The following OTULINL variants were observed in gnomAD, a reference collection of about 807,000 sequenced individuals.
OTULINL encodes the protein OTU deubiquitinase with linear linkage specificity like.
In OTULINL, 42 loss-of-function variants were observed where a neutral mutation model predicts 43.9. The ratio of observed to expected loss-of-function variants is 0.96; its 90% confidence interval spans 0.75 to 1.24. The LOEUF (loss-of-function observed/expected upper bound fraction) is 1.24, where lower values mean the gene tolerates loss of function less well. Among genes scored for constraint, OTULINL ranks in the 50% most tolerant of loss-of-function variants. OTULINL has a pLI of 0.00. For missense variants in OTULINL, 411 were observed against 426.4 expected (o/e 0.96, Z 0.32); for synonymous variants, 172 against 153.6 (o/e 1.12, Z -0.88).
At position 14,607,412 on chromosome 5, in the gene OTULINL, A is replaced by C; in HGVS notation, c.581A>C (p.Asn194Thr). Reference sequence around the variant, plus strand: ...GGTCCTGAGAAGTATACAGGCTCGAATGTGTTTGGAAAACTACGGAAATAT... The same window carrying C: ...GGTCCTGAGAAGTATACAGGCTCGACTGTGTTTGGAAAACTACGGAAATAT... ...SFGPEKYTGS[N>T]VFGKLRKYVE... Residue 194 changes from asparagine to threonine, a missense_variant, in exon 6 of 8, where the codon AAT (asparagine) becomes ACT (threonine). Transcript: ENST00000274217. The C allele has an allele frequency of 1.2e-6, 2 of 1,614,180 alleles. No individual in the cohort carries two copies. Among genetic ancestry groups the C allele is most frequent in the Middle Eastern group, 1.6e-4 (1 of 6,062 alleles).
chr5:14,591,133 G>C (rs1008961765), intron 1 of OTULINL, among the ~76,000 whole-genome samples: 5 of 152,156 alleles, frequency 3.3e-5, no homozygotes, highest in Non-Finnish European at 4.4e-5. Flanking sequence ...CAGACCACGT[G>C]CCACCAAAGC....
At chr5:14,585,391 T>C (rs901930331) in intron 1 of OTULINL, among the ~76,000 whole-genome samples, 3 of 152,232 alleles carry the variant, frequency 2.0e-5, no homozygotes, top group African/African-American at 7.2e-5. Context: ...ACTTCTACTC[T>C]TACATTTCTA....
Position 14,588,350 on chromosome 5 carries a change from G to A in OTULINL, c.64+6392G>A, listed in dbSNP as rs115385719. 6.5e-3 allele frequency among the ~76,000 whole-genome samples: 984 copies of A among 152,220 alleles called. 12 individuals are homozygous for A. Among genetic ancestry groups the A allele is most frequent in the African/African-American group, 0.023 (935 of 41,520 alleles). ...AAGCTGAGGTCCAGATGGCTCAGCT[G>A]TCTAGGACCGGACCCTGAGTTCCTG... On this transcript the variant is annotated intron_variant, in intron 1 of 7. Coordinates refer to ENST00000274217, the MANE Select transcript of OTULINL (RefSeq NM_019018.3).
In OTULINL at chr5:14,615,050, C is replaced by T. The variant is rs995372458; in HGVS notation, c.*4736C>T. 8 of 281,640 alleles carry T rather than the reference C, an allele frequency of 2.8e-5. No homozygotes were observed. Among genetic ancestry groups the T allele is most frequent in the African/African-American group, 1.3e-4 (6 of 46,006 alleles). 17.4% of individuals were successfully genotyped at this position (281,640 alleles called of 1,614,324 possible). ...ATGGGCTGTAAAACCCATTTCCACA[C>T]GAGTATAAATTTAAAACAGAAACAT... On this transcript the variant is annotated 3_prime_UTR_variant, in exon 8 of 8. Coordinates refer to ENST00000274217, the MANE Select transcript of OTULINL (RefSeq NM_019018.3).
Position 14,610,319 on chromosome 5 carries a change from G to A in OTULINL, c.*5G>A, listed in dbSNP as rs750967389. 2.3e-5 allele frequency: 37 copies of A among 1,611,874 alleles called. No homozygotes were observed. The Admixed American group carries it at 3.3e-4, about 15-fold the overall frequency. On this transcript the variant is annotated 3_prime_UTR_variant, in exon 8 of 8. Coordinates refer to ENST00000274217, the MANE Select transcript of OTULINL (RefSeq NM_019018.3). ...TACCACATTCCAGTCTTTTAAGTCC[G>A]CTGGGGGCCGAACAGCAGTGCTCAC...
Position 14,581,838 on chromosome 5 carries a change from G to T in OTULINL, c.-57G>T. ...GCGCCGGCGGGCGGCCGTCGCGTCT[G>T]ACAGACCACTGCAGACCACGGGCCG... On this transcript the variant is annotated 5_prime_UTR_variant, in exon 1 of 8. Transcript: ENST00000274217. The T allele has an allele frequency of 3.0e-6, 4 of 1,317,470 alleles. No homozygotes were observed. Among genetic ancestry groups the T allele is most frequent in the Non-Finnish European group, 3.9e-6 (4 of 1,033,172 alleles). The allele number at this position is 1,317,470 out of a possible 1,614,324, so 81.6% of individuals were successfully genotyped here. A position where few individuals can be genotyped will look rare whatever the true frequency, so the allele number is the denominator to read the frequency against.
chr5:14,588,284 A>G (rs750878331), intron 1 of OTULINL, among the ~76,000 whole-genome samples: 17 of 152,190 alleles, frequency 1.1e-4, no homozygotes, highest in Non-Finnish European at 2.2e-4. Context: ...GGGAAATGGC[A>G]GTTAATGGCC....
chr5:14,611,666 G>A lies in OTULINL; in HGVS notation c.*1352G>A, dbSNP rs759950882. On this transcript the variant is annotated 3_prime_UTR_variant, in exon 8 of 8. Transcript: ENST00000274217. Reference sequence around the variant, plus strand: ...AGTATTCTCAGGCTAGTTTTTGGTCGTCTTTATTTTGGAAATACTTTTCTA... The same window carrying A: ...AGTATTCTCAGGCTAGTTTTTGGTCATCTTTATTTTGGAAATACTTTTCTA... 1 of 151,784 alleles carries A rather than the reference G, an allele frequency of 6.6e-6. No homozygotes were observed. Among genetic ancestry groups the A allele is most frequent in the East Asian group, 1.9e-4 (1 of 5,188 alleles). The allele number at this position is 151,784 out of a possible 1,614,324, so 9.4% of individuals were successfully genotyped here.
At chr5:14,582,009 C>G (rs1254580173) in intron 1 of OTULINL, 51 bp downstream of exon 1, 2 of 1,190,362 alleles carry the variant, frequency 1.7e-6, no homozygotes, top group African/African-American at 1.6e-5. Flanking sequence ...CAGGGACCGT[C>G]AAGGCGGGCG....
chr5:14,582,454 G>A (rs1023825690), intron 1 of OTULINL, among the ~76,000 whole-genome samples: 74 of 152,024 alleles, frequency 4.9e-4, no homozygotes, highest in African/African-American at 1.7e-3. Flanking sequence ...CACCTTCGCG[G>A]CAGTCGAGAC....
intron 5 of OTULINL, among the ~76,000 whole-genome samples, chr5:14,603,321 C>T (rs1759420441): frequency 6.6e-6 from 1 of 152,198 alleles, no homozygotes. Flanking sequence ...CAATAGGTTT[C>T]ATATTGAGGG....
At chr5:14,605,284 T>C (rs1376599921) in intron 5 of OTULINL, among the ~76,000 whole-genome samples, 1 of 151,334 alleles carries the variant, frequency 6.6e-6, no homozygotes, top group African/African-American at 2.4e-5. Context: ...CTTTTAGTCA[T>C]GGCTGGAGTG....
At chr5:14,590,667 G>A (rs191962223) in intron 1 of OTULINL, among the ~76,000 whole-genome samples, 2 of 152,308 alleles carry the variant, frequency 1.3e-5, no homozygotes, top group South Asian at 2.1e-4. Context: ...TGACTTCTCA[G>A]TTGGTCCCAG....
chr5:14,608,253 T>C lies in OTULINL; in HGVS notation c.628-495T>C, dbSNP rs962933641. On this transcript the variant is annotated intron_variant, in intron 6 of 7. Transcript: ENST00000274217. ...GGCTTCTATAACAAAATACCATAAA[T>C]TGGGTGGCTTAACCCATAAAGATTG... is the stretch of plus-strand genomic sequence containing the variant. 7.2e-5 allele frequency among the ~76,000 whole-genome samples: 11 copies of C among 152,344 alleles called. No individual in the cohort carries two copies. The East Asian group carries it at 2.1e-3, about 29-fold the overall frequency.
intron 6 of OTULINL, 108 bp from the exon 7 acceptor site, chr5:14,608,640 C>A: frequency 1.0e-6 from 1 of 966,936 alleles, no homozygotes; most frequent in Non-Finnish European, 1.5e-6. Flanking sequence ...TAAAGTTCCA[C>A]TTTTTTCTAT....
chr5:14,585,110 C>T (rs1015460011), intron 1 of OTULINL, among the ~76,000 whole-genome samples: 1 of 152,020 alleles, frequency 6.6e-6, no homozygotes, highest in Admixed American at 6.5e-5. Context: ...CCTTCAAGGT[C>T]TTTACTCTCT....
chr5:14,594,958 G>C (rs959732694), intron 1 of OTULINL, among the ~76,000 whole-genome samples: 1 of 151,690 alleles, frequency 6.6e-6, no homozygotes, highest in South Asian at 2.1e-4. Flanking sequence ...CTCTTCCATC[G>C]TCTGCTAACT....
intron 1 of OTULINL, among the ~76,000 whole-genome samples, chr5:14,582,744 G>A (rs899926788): frequency 6.6e-6 from 1 of 150,950 alleles, no homozygotes; most frequent in Non-Finnish European, 1.5e-5. Context: ...GAACCCGGCG[G>A]GCGGAGGTTG....
At chr5:14,596,803 C>T (rs1488103870) in intron 1 of OTULINL, among the ~76,000 whole-genome samples, 5 of 152,126 alleles carry the variant, frequency 3.3e-5, no homozygotes, top group Admixed American at 3.3e-4. Context: ...CTGGTGAGGG[C>T]CTTCTTGCTG....
Sources: allele counts gnomAD v4.1 joint callset (sites outside exome capture counted in the v4.1 genomes callset), GRCh38; gene constraint gnomAD v4.1.1; transcripts MANE v1.5; gene names NCBI Gene and HGNC (gene_info 2026-07-23, HGNC 2026-07-21).